Variants in AGBL4 observed in about 807,000 individuals in gnomAD.
The protein encoded by AGBL4 is cytosolic carboxypeptidase 6.
In AGBL4, 58 loss-of-function variants were observed where a neutral mutation model predicts 66.4. The ratio of observed to expected loss-of-function variants is 0.87; its 90% CI spans 0.71 to 1.09. The LOEUF is 1.09. Among genes scored for constraint, AGBL4 ranks in the 50% least tolerant of loss-of-function variants. The probability of loss-of-function intolerance (pLI) is 0.00; values close to 1 mark genes in which losing one functional copy is unlikely to be tolerated. For missense variants in AGBL4, 579 were observed against 631.0 expected (o/e 0.92, Z 0.88); for synonymous variants, 234 against 222.9 (o/e 1.05, Z -0.44).
intron 2 of AGBL4, among the ~76,000 whole-genome samples, chr1:49,835,590 A>G (rs1645826048): frequency 6.6e-6 from 1 of 152,136 alleles, no homozygotes; most frequent in Non-Finnish European, 1.5e-5. Context: ...TAACATTGCT[A>G]TGTGTGAGGT....
chr1:48,913,558 G>A (rs1477290224), intron 5 of AGBL4, among the ~76,000 whole-genome samples: 4 of 152,126 alleles, frequency 2.6e-5, no homozygotes, highest in Non-Finnish European at 4.4e-5. Flanking sequence ...ACATGTGAAG[G>A]ATCTAGGTTG....
intron 6 of AGBL4, among the ~76,000 whole-genome samples, chr1:48,820,645 G>A (rs755253449): frequency 3.3e-5 from 5 of 152,062 alleles, no homozygotes; most frequent in African/African-American, 7.2e-5. Context: ...AACTCCAACC[G>A]AAATATCAGC....
chr1:48,709,579 C>T (rs1412354453), intron 6 of AGBL4, among the ~76,000 whole-genome samples: 1 of 66,082 alleles, frequency 1.5e-5, no homozygotes, highest in Non-Finnish European at 3.9e-5. Context: ...TTACTATTTG[C>T]CAGGCATTAT....
intron 3 of AGBL4, among the ~76,000 whole-genome samples, chr1:49,333,835 T>A (rs1409892993): frequency 6.6e-6 from 1 of 152,184 alleles, no homozygotes; most frequent in Non-Finnish European, 1.5e-5. Flanking sequence ...TCAATCCAAC[T>A]GGAAAAATAC....
chr1:49,602,237 C>G (rs1341579705), intron 3 of AGBL4, among the ~76,000 whole-genome samples: 5 of 152,132 alleles, frequency 3.3e-5, no homozygotes, highest in Non-Finnish European at 1.5e-5. Flanking sequence ...TGCTTTTATA[C>G]TGTTGGTGGG....
At chr1:49,207,455 TTTTTCTTTCTTTC>T (rs1184873476) in intron 4 of AGBL4, among the ~76,000 whole-genome samples, 34 of 15,162 alleles carry the variant, frequency 2.2e-3, no homozygotes, top group East Asian at 3.5e-3. Context: ...TCTTTCTTTC[TTTTTCTTTCTTTC>T]TCTTTCTTTC....
intron 3 of AGBL4, among the ~76,000 whole-genome samples, chr1:49,303,647 CT>C (rs1432566119): frequency 3.3e-5 from 5 of 150,634 alleles, no homozygotes; most frequent in African/African-American, 1.2e-4. Flanking sequence ...CTTTTTTTTT[CT>C]TTTTTTCAGT....
At chr1:48,707,366 T>C (rs1021734892) in intron 6 of AGBL4, among the ~76,000 whole-genome samples, 3 of 151,868 alleles carry the variant, frequency 2.0e-5, no homozygotes, top group African/African-American at 7.3e-5. Flanking sequence ...AAGAAGAAAT[T>C]AACCAGCACT....
chr1:49,679,763 G>C (rs200744577), intron 3 of AGBL4, among the ~76,000 whole-genome samples: 2 of 151,956 alleles, frequency 1.3e-5, no homozygotes, highest in African/African-American at 4.8e-5. Flanking sequence ...GGTTGCTCTA[G>C]GTAGCATACC....
intron 1 of AGBL4, among the ~76,000 whole-genome samples, chr1:49,862,583 C>T (rs550533824): frequency 2.7e-4 from 41 of 152,074 alleles, no homozygotes; most frequent in South Asian, 2.1e-3. Flanking sequence ...AGGGTTACCT[C>T]GAGGCATTTA....
chr1:49,521,595 GGCTA>G (rs1421205622), intron 3 of AGBL4, among the ~76,000 whole-genome samples: 1 of 151,938 alleles, frequency 6.6e-6, no homozygotes, highest in Non-Finnish European at 1.5e-5. Context: ...CTGGATAACT[GGCTA>G]GCTATATACA....
chr1:49,360,140 A>C (rs1383538805), intron 3 of AGBL4, among the ~76,000 whole-genome samples: 2 of 152,196 alleles, frequency 1.3e-5, no homozygotes, highest in Non-Finnish European at 2.9e-5. Context: ...TTTGGTCTGA[A>C]ATAATCATCA....
At chr1:49,215,448 G>A (rs1649010239) in intron 4 of AGBL4, among the ~76,000 whole-genome samples, 1 of 152,050 alleles carries the variant, frequency 6.6e-6, no homozygotes, top group Non-Finnish European at 1.5e-5. Flanking sequence ...TGATTGATTA[G>A]CAGTACTCCT....
chr1:49,118,707 C>G (rs950669790), intron 4 of AGBL4, among the ~76,000 whole-genome samples: 3 of 152,122 alleles, frequency 2.0e-5, no homozygotes, highest in Non-Finnish European at 4.4e-5. Flanking sequence ...TGATGCTGGT[C>G]TCATAAAATG....
At chr1:49,663,337 G>A (rs2124498747) in intron 3 of AGBL4, among the ~76,000 whole-genome samples, 1 of 152,222 alleles carries the variant, frequency 6.6e-6, no homozygotes, top group African/African-American at 2.4e-5. Context: ...TCTTGCCAAT[G>A]GGAATGTGAA....
intron 2 of AGBL4, among the ~76,000 whole-genome samples, chr1:49,711,823 T>C (rs1221832653): frequency 6.6e-6 from 1 of 152,110 alleles, no homozygotes; most frequent in Non-Finnish European, 1.5e-5. Flanking sequence ...AAATTTAGTG[T>C]TTCCCTTTTA....
chr1:49,323,448 AT>A (rs11295329), intron 3 of AGBL4, among the ~76,000 whole-genome samples: 65,086 of 114,972 alleles, frequency 0.57, 16,397 homozygotes, highest in Middle Eastern at 0.61. Flanking sequence ...TGCCTGGCTA[AT>A]TTTTTTTTTT....
At chr1:49,309,304 T>C (rs1570402804) in intron 3 of AGBL4, among the ~76,000 whole-genome samples, 3 of 152,258 alleles carry the variant, frequency 2.0e-5, no homozygotes, top group African/African-American at 2.4e-5. Flanking sequence ...TTGAAAACTT[T>C]AATATGTTTA....
At chr1:49,861,194 G>A (rs1017236249) in intron 1 of AGBL4, among the ~76,000 whole-genome samples, 2 of 152,124 alleles carry the variant, frequency 1.3e-5, no homozygotes, top group South Asian at 2.1e-4. Flanking sequence ...TTCAAAGGCA[G>A]TCTAGGCCAT....
Sources: gnomAD v4.1 joint callset for allele counts (sites outside exome capture counted in the v4.1 genomes callset) on GRCh38, gnomAD v4.1.1 for gene constraint, MANE v1.5 for transcripts, NCBI Gene and HGNC (gene_info 2026-07-23, HGNC 2026-07-21) for gene names.